Variants in COL6A1 observed in about 807,000 individuals in gnomAD.
COL6A1 encodes collagen alpha-1(VI) chain.
COL6A1 carries 80 observed loss-of-function variants against 145.6 expected under a neutral mutation model. That is an observed-to-expected ratio of 0.55 (90% CI 0.46 to 0.66). COL6A1 has a LOEUF of 0.66. COL6A1 is among the 30% of genes least tolerant of loss of function. COL6A1 has a pLI of 0.00. For missense variants in COL6A1, 1,364 were observed against 1,473.8 expected (o/e 0.93, Z 1.22); for synonymous variants, 638 against 622.8 (o/e 1.02, Z -0.36).
At chr21:46,001,848 G>A (rs1442835087) in intron 30 of COL6A1, 113 bp from the exon 31 acceptor site, 1 of 885,308 alleles carries the variant, frequency 1.1e-6, no homozygotes, top group Non-Finnish European at 1.8e-6. Flanking sequence ...AGGTCCTGAG[G>A]TCCTGGGGGC....
intron 2 of COL6A1, among the ~76,000 whole-genome samples, chr21:45,983,142 C>T (rs2077717949): frequency 6.6e-6 from 1 of 152,240 alleles, no homozygotes; most frequent in South Asian, 2.1e-4. Flanking sequence ...GCGCGGGAGC[C>T]CCTCACTAAC....
At chr21:46,001,888 T>C in intron 30 of COL6A1, 73 bp from the exon 31 acceptor site, 4 of 1,363,542 alleles carry the variant, frequency 2.9e-6, no homozygotes, top group South Asian at 2.4e-5. Context: ...CCGCAGCCAA[T>C]AGAGTCACCC....
chr21:45,984,510 C>T (rs373542113), intron 3 of COL6A1, 41 bp downstream of exon 3: 79 of 1,588,486 alleles, frequency 5.0e-5, no homozygotes, highest in Middle Eastern at 1.7e-4. Context: ...AGTTCTCACG[C>T]GTGGTACCCA....
chr21:45,984,565 C>A, intron 3 of COL6A1, 96 bp downstream of exon 3: 3 of 1,196,872 alleles, frequency 2.5e-6, no homozygotes, highest in Non-Finnish European at 3.6e-6. Context: ...GCTTCAGCTG[C>A]AGCCTCCCTG....
chr21:45,990,204 G>T, intron 11 of COL6A1, 54 bp from the exon 12 acceptor site: 3 of 1,608,494 alleles, frequency 1.9e-6, no homozygotes, highest in Non-Finnish European at 2.5e-6. Flanking sequence ...AGCCAGGCTT[G>T]CCCTGCCCTC....
At chr21:45,984,502 T>C (rs761756430) in intron 3 of COL6A1, 33 bp downstream of exon 3, 1 of 1,595,044 alleles carries the variant, frequency 6.3e-7, no homozygotes, top group Non-Finnish European at 8.5e-7. Flanking sequence ...CCCACGCCAG[T>C]TCTCACGCGT....
At chr21:45,986,341 G>A (rs927525303) in intron 3 of COL6A1, among the ~76,000 whole-genome samples, 185 bp from the exon 4 acceptor site, 15 of 152,308 alleles carry the variant, frequency 9.8e-5, no homozygotes, top group East Asian at 1.9e-4. Context: ...TTAGAGAAAT[G>A]AGACCCACAG....
Position 45,994,368 on chromosome 21 carries a change from T to C in COL6A1, c.1398+139T>C. ...TTTCCGTAGATCTCGGGGGTGTCCC[T>C]GCGTGGGAGCCGGCTGCAGGGGGTG... On this transcript the variant is annotated intron_variant, in intron 20 of 34. Transcript: ENST00000361866. This position sits in a 1 kb window ranked among gnomAD's most constrained non-coding sequence, Gnocchi z 6.8. 1 of 894,154 alleles carries C rather than the reference T, an allele frequency of 1.1e-6. No individual in the cohort carries two copies. The highest frequency in any genetic ancestry group is 2.7e-5 in the East Asian group (1 of 37,544). 55.4% of individuals were successfully genotyped at this position (894,154 alleles called of 1,614,324 possible). A position where few individuals can be genotyped will look rare whatever the true frequency, so the allele number is the denominator to read the frequency against.
In COL6A1 at chr21:45,999,623, C is replaced by T. The variant is rs757719173; in HGVS notation, c.1741-34C>T. 9.9e-6 allele frequency: 16 copies of T among 1,612,258 alleles called. No homozygotes were observed. In the South Asian group the frequency reaches 9.9e-5, roughly 10 times the overall value. On this transcript the variant is annotated intron_variant, in intron 26 of 34. Coordinates refer to ENST00000361866, the MANE Select transcript of COL6A1 (RefSeq NM_001848.3). ...CTCAGGAAGCACAGTGGGCTCCTCA[C>T]CCTCAGAGCTCCTCTACTCCGTTTC...
chr21:45,993,893 T>C (rs1361045995), intron 19 of COL6A1, among the ~76,000 whole-genome samples: 3 of 152,184 alleles, frequency 2.0e-5, no homozygotes, highest in African/African-American at 7.2e-5. Context: ...CCACGGAGCT[T>C]GCTGGAGAAG....
Position 46,002,321 on chromosome 21 carries a change from G to T in COL6A1, c.2170G>T (p.Ala724Ser). 1 of 1,592,826 alleles carries T rather than the reference G, an allele frequency of 6.3e-7. No homozygotes were observed. Among genetic ancestry groups the T allele is most frequent in the South Asian group, 1.1e-5 (1 of 88,676 alleles). Residue 724 changes from alanine (A) to serine (S), a missense_variant, in exon 32 of 35, where the codon GCC becomes TCC. By Grantham distance (99) the Ala-to-Ser change is moderately conservative (BLOSUM62 1). Coordinates refer to ENST00000361866, the MANE Select transcript of COL6A1 (RefSeq NM_001848.3). ...GCCGCCCAGCCCGAACAACCGCATC[G>T]CCCTGGTCATCACTGACGGGCGCTC... is the stretch of plus-strand genomic sequence containing the variant. Reference protein sequence around the residue: ...LLPPSPNNRIALVITDGRSDT... With the variant: ...LLPPSPNNRISLVITDGRSDT...
At chr21:45,988,510 C>T (rs557187090) in intron 8 of COL6A1, among the ~76,000 whole-genome samples, 1 of 151,914 alleles carries the variant, frequency 6.6e-6, no homozygotes, top group Admixed American at 6.5e-5. Context: ...AGGCAGGCTC[C>T]GGCCGTGCAG....
chr21:45,995,199 C>T (rs1008639674), intron 20 of COL6A1, among the ~76,000 whole-genome samples: 10 of 152,216 alleles, frequency 6.6e-5, no homozygotes, highest in African/African-American at 1.9e-4. Context: ...GGGTCTGGGC[C>T]GTTCGTCCAC....
chr21:45,997,408 C>T lies in COL6A1; in HGVS notation c.1399-13C>T. On this transcript the variant is annotated splice_polypyrimidine_tract_variant and intron_variant, in intron 20 of 34. Coordinates refer to ENST00000361866, the MANE Select transcript of COL6A1 (RefSeq NM_001848.3). ...GGCCTGTGGTCCAACGTGCCATATC[C>T]ATCTCTCTACAGGGCGAGGCTGGCC... is the stretch of plus-strand genomic sequence containing the variant. 6.2e-7 allele frequency: 1 copy of T among 1,612,692 alleles called. No individual in the cohort carries two copies. Among genetic ancestry groups the T allele is most frequent in the Non-Finnish European group, 8.5e-7 (1 of 1,179,630 alleles).
Position 46,003,879 on chromosome 21 carries a change from G to A in COL6A1, c.2953G>A (p.Val985Ile), listed in dbSNP as rs781394145. ...GRQVNEPHIR[V>I]LVTGKTAEYD... Reference sequence around the variant, plus strand: ...CCAGGTGAATGAGCCCCACATCCGCGTCCTGGTCACCGGCAAGACGGCCGA... The same window carrying A: ...CCAGGTGAATGAGCCCCACATCCGCATCCTGGTCACCGGCAAGACGGCCGA... Residue 985 changes from valine (V) to isoleucine (I), a missense_variant, in exon 35 of 35, where the codon GTC becomes ATC. Physicochemically the swap from Val to Ile is conservative, Grantham distance 29 (BLOSUM62 3). Around this residue, in one of 3 missense-constraint regions of COL6A1, gnomAD observed 938 missense variants for 1,003.8 expected, o/e 0.93. Coordinates refer to ENST00000361866, the MANE Select transcript of COL6A1 (RefSeq NM_001848.3). The A allele has an allele frequency of 3.0e-5, 48 of 1,601,594 alleles. No individual in the cohort carries two copies. Among genetic ancestry groups the A allele is most frequent in the South Asian group, 4.4e-5 (4 of 90,346 alleles).
At chr21:46,000,199 C>T in intron 27 of COL6A1, 132 bp from the exon 28 acceptor site, 3 of 1,013,828 alleles carry the variant, frequency 3.0e-6, no homozygotes, top group South Asian at 2.6e-5. Context: ...CCGGGCACAC[C>T]TGCAAAGAAC....
At position 45,986,940 on chromosome 21, in the gene COL6A1, C is replaced by A; in HGVS notation, c.589-4C>A. The stretch of plus-strand genomic sequence containing the variant: ...GCTCAGCCCACCCTGAACACTGCCC[C>A]CAGGAGCCGCGTCTGAGCATCATCG... On this transcript the variant is annotated splice_region_variant and splice_polypyrimidine_tract_variant and intron_variant, in intron 4 of 34. Coordinates refer to ENST00000361866, the MANE Select transcript of COL6A1 (RefSeq NM_001848.3). The A allele has an allele frequency of 6.5e-7, 1 of 1,547,030 alleles. No individual in the cohort carries two copies. The highest frequency in any genetic ancestry group is 2.4e-5 in the East Asian group (1 of 41,462).
At position 45,989,154 on chromosome 21, in the gene COL6A1, G is replaced by C; in HGVS notation, c.858+17G>C. 6.3e-7 allele frequency: 1 copy of C among 1,589,514 alleles called. No homozygotes were observed. Among genetic ancestry groups the C allele is most frequent in the Non-Finnish European group, 8.5e-7 (1 of 1,170,814 alleles). On this transcript the variant is annotated intron_variant, in intron 9 of 34. Coordinates refer to ENST00000361866, the MANE Select transcript of COL6A1 (RefSeq NM_001848.3). ...GGAGATCCTGTGAGTGCCTGACTGT[G>C]GGGTGGGGGCCCTAAGAAGCTGGAG... is the stretch of plus-strand genomic sequence containing the variant.
At position 45,994,042 on chromosome 21, in the gene COL6A1, CG is replaced by C; in HGVS notation, c.1336-121del. 1 of 983,000 alleles carries C rather than the reference CG, an allele frequency of 1.0e-6. No homozygotes were observed. Among genetic ancestry groups the C allele is most frequent in the Non-Finnish European group, 1.6e-6 (1 of 631,184 alleles). The allele number at this position is 983,000 out of a possible 1,614,324, so 60.9% of individuals were successfully genotyped here. A position where few individuals can be genotyped will look rare whatever the true frequency, so the allele number is the denominator to read the frequency against. ...TTGGCGAGGCCAGGAAGGGGCTGTG[CG>C]GGGAGGGAAGGCCGGAACAGCCCAG... On this transcript the variant is annotated intron_variant, in intron 19 of 34. Transcript: ENST00000361866. The surrounding 1 kb of genome is among the most constrained non-coding windows in gnomAD (Gnocchi z 6.8).
Sources: allele counts gnomAD v4.1 joint callset (sites outside exome capture counted in the v4.1 genomes callset), GRCh38; gene constraint gnomAD v4.1.1; regional missense constraint gnomAD v4.1.1; non-coding constraint Gnocchi (gnomAD v3.1); transcripts MANE v1.5; gene names NCBI Gene and HGNC (gene_info 2026-07-23, HGNC 2026-07-21).